ADGRB1: variants seen among roughly 807,000 people sequenced by gnomAD.
ADGRB1 encodes the protein adhesion G protein-coupled receptor B1.
In ADGRB1, 36 loss-of-function variants were observed where a neutral mutation model predicts 175.7. The observed-to-expected ratio is 0.20, with a 90% confidence interval of 0.16 to 0.27. The LOEUF (loss-of-function observed/expected upper bound fraction) is 0.27, where lower values mean the gene tolerates loss of function less well. Among genes scored for constraint, ADGRB1 ranks in the 10% least tolerant of loss-of-function variants. The pLI, the probability that ADGRB1 is intolerant of heterozygous loss-of-function variation, is 1.00. For missense variants in ADGRB1, 1,731 were observed against 2,255.3 expected (o/e 0.77, Z 4.71); for synonymous variants, 1,054 against 979.4 (o/e 1.08, Z -1.42).
At chr8:142,539,671 C>T in intron 27 of ADGRB1, 1 of 574,854 alleles carries the variant, frequency 1.7e-6, no homozygotes, top group Middle Eastern at 4.6e-4. Flanking sequence ...ACTGCCCTGG[C>T]ACTCCTGCTG....
At chr8:142,457,780 C>T (rs1404434991) in intron 1 of ADGRB1, among the ~76,000 whole-genome samples, 1 of 152,194 alleles carries the variant, frequency 6.6e-6, no homozygotes, top group Non-Finnish European at 1.5e-5. Context: ...GTGCCTGACT[C>T]TCTGGCCCAC....
chr8:142,542,507 C>A lies in ADGRB1; in HGVS notation c.4273C>A (p.Pro1425Thr). The change falls in exon 28 of 31, where the codon CCC becomes ACC. Residue 1425 changes from proline to threonine, a missense_variant. Physicochemically the swap from Pro to Thr is conservative, Grantham distance 38 (BLOSUM62 -1). Around this residue, in one of 8 missense-constraint regions of ADGRB1, gnomAD observed 394 missense variants for 410.2 expected, o/e 0.96. Transcript: ENST00000517894. This position sits in a 1 kb window ranked among gnomAD's most constrained non-coding sequence, Gnocchi z 6.3. The stretch of plus-strand genomic sequence containing the variant: ...CCCACCGCCACCACCTCCCCAGCAG[C>A]CCCTGCCCCCACCGCCCAATCTGGA... ...PPPPPPPPQQPLPPPPNLEPA... is the reference protein window; with the variant it reads ...PPPPPPPPQQTLPPPPNLEPA... 7.0e-7 allele frequency: 1 copy of A among 1,424,718 alleles called. No individual in the cohort carries two copies. The highest frequency in any genetic ancestry group is 9.2e-7 in the Non-Finnish European group (1 of 1,084,240). The allele number at this position is 1,424,718 out of a possible 1,614,324, so 88.3% of individuals were successfully genotyped here.
chr8:142,542,629 G>T lies in ADGRB1; in HGVS notation c.4395G>T (p.Leu1465Phe), dbSNP rs532039983. 2 of 1,551,444 alleles carry T rather than the reference G, an allele frequency of 1.3e-6. No homozygotes were observed. The highest frequency in any genetic ancestry group is 1.2e-5 in the South Asian group (1 of 84,344). The stretch of plus-strand genomic sequence containing the variant: ...CCAAGAACGAGAATGTCGCCACCTT[G>T]TCTGTGAGCTCCCTGGAGGTGAGGG... ...PSTKNENVAT[L>F]SVSSLERRKS... The change falls in exon 28 of 31, where the codon TTG becomes TTT. Residue 1465 changes from leucine to phenylalanine, a missense_variant. Physicochemically the swap from Leu to Phe is conservative, Grantham distance 22. Coordinates refer to ENST00000517894, the MANE Select transcript of ADGRB1 (RefSeq NM_001702.3). The surrounding 1 kb of genome is among the most constrained non-coding windows in gnomAD (Gnocchi z 6.3).
rs773355329 is a variant in ADGRB1, at chr8:142,537,711, C to T, written c.3666+629C>T. 6.6e-6 allele frequency among the ~76,000 whole-genome samples: 1 copy of T among 152,154 alleles called. No homozygotes were observed. Among genetic ancestry groups the T allele is most frequent in the Non-Finnish European group, 1.5e-5 (1 of 68,018 alleles). ...CCCCCCGCCCCTGCCTGTGCCTGCG[C>T]CTGTCCTCTTTACAGCACAGCGTTC... On this transcript the variant is annotated intron_variant, in intron 26 of 30. Transcript: ENST00000517894. This position sits in a 1 kb window ranked among gnomAD's most constrained non-coding sequence, Gnocchi z 4.6.
intron 12 of ADGRB1, 109 bp downstream of exon 12, chr8:142,484,154 G>A: frequency 1.1e-6 from 1 of 906,530 alleles, no homozygotes; most frequent in Non-Finnish European, 1.7e-6. Flanking sequence ...GGTGCTCTGG[G>A]TTTGGATCTC....
chr8:142,535,635 G>A (rs1243804161), intron 25 of ADGRB1, among the ~76,000 whole-genome samples: 1 of 152,194 alleles, frequency 6.6e-6, no homozygotes, highest in Non-Finnish European at 1.5e-5. Context: ...TCCTGCAGGT[G>A]GGCAAGTCAG....
chr8:142,500,497 GGC>G (rs1842469294), intron 17 of ADGRB1, among the ~76,000 whole-genome samples: 1 of 151,052 alleles, frequency 6.6e-6, no homozygotes, highest in Non-Finnish European at 1.5e-5. Context: ...GTGGAGGGGC[GGC>G]TGCAGGGGTC....
chr8:142,470,253 C>T (rs1301588667), intron 2 of ADGRB1, among the ~76,000 whole-genome samples: 1 of 152,150 alleles, frequency 6.6e-6, no homozygotes, highest in African/African-American at 2.4e-5. Context: ...TTGCATTTTT[C>T]CGCCTAGGGT....
chr8:142,501,108 T>C (rs1563717088), intron 17 of ADGRB1, among the ~76,000 whole-genome samples: 1 of 152,194 alleles, frequency 6.6e-6, no homozygotes, highest in Non-Finnish European at 1.5e-5. Flanking sequence ...GATGAGGCGA[T>C]GGCAGTGTTG....
intron 13 of ADGRB1, among the ~76,000 whole-genome samples, chr8:142,487,234 C>T (rs1841714084): frequency 2.0e-5 from 3 of 152,292 alleles, no homozygotes; most frequent in South Asian, 2.1e-4. Context: ...TGTGTCCAGC[C>T]TCCCACCCCT....
At chr8:142,475,105 G>A (rs934375420) in intron 2 of ADGRB1, among the ~76,000 whole-genome samples, 5 of 152,212 alleles carry the variant, frequency 3.3e-5, no homozygotes, top group Non-Finnish European at 5.9e-5. Context: ...GGGCTTCCAG[G>A]CGTGCCAGGA....
chr8:142,478,287 G>A lies in ADGRB1; in HGVS notation c.1488G>A (p.Gly496=). ...AGCAGCGCACGCGTGAATGCAACGG[G>A]CCTTCCTACGGGGGTGCGGAGTGCC... ...GRQQRTRECN[G]PSYGGAECQG... Residue 496 remains glycine (G), a synonymous_variant, in exon 7 of 31, where the codon GGG becomes GGA. Transcript: ENST00000517894. 1 of 1,610,738 alleles carries A rather than the reference G, an allele frequency of 6.2e-7. No homozygotes were observed. Among genetic ancestry groups the A allele is most frequent in the South Asian group, 1.1e-5 (1 of 90,452 alleles).
At chr8:142,540,831 G>A (rs1315807790) in intron 27 of ADGRB1, among the ~76,000 whole-genome samples, 1 of 152,094 alleles carries the variant, frequency 6.6e-6, no homozygotes, top group East Asian at 1.9e-4. Context: ...GAAGGGGCGG[G>A]GCTGAAAATG....
intron 17 of ADGRB1, among the ~76,000 whole-genome samples, chr8:142,494,414 G>A (rs1842120869): frequency 6.6e-6 from 1 of 152,096 alleles, no homozygotes; most frequent in African/African-American, 2.4e-5. Flanking sequence ...CCCTGATCCT[G>A]GTCACAGGCT....
At chr8:142,462,997 G>T (rs904357525) in intron 1 of ADGRB1, among the ~76,000 whole-genome samples, 1 of 152,236 alleles carries the variant, frequency 6.6e-6, no homozygotes, top group Non-Finnish European at 1.5e-5. Flanking sequence ...GAGCTGGGAG[G>T]TGTCTCCTGG....
intron 19 of ADGRB1, among the ~76,000 whole-genome samples, chr8:142,520,401 GTTGGTAATGGTGATA>G (rs1563735887): frequency 0.015 from 1,098 of 72,702 alleles, 5 homozygotes; most frequent in South Asian, 0.033. Context: ...TGATTGTGAT[GTTGGTAATGGTGATA>G]GTGGTAATGA....
At chr8:142,502,823 TTGA>T (rs1012153834) in intron 17 of ADGRB1, among the ~76,000 whole-genome samples, 4 of 151,850 alleles carry the variant, frequency 2.6e-5, no homozygotes, top group South Asian at 2.1e-4. Flanking sequence ...GGTTGTGTTG[TTGA>T]TGATGACAGA....
intron 17 of ADGRB1, among the ~76,000 whole-genome samples, chr8:142,497,771 G>A (rs576905384): frequency 2.0e-5 from 3 of 152,354 alleles, no homozygotes; most frequent in Non-Finnish European, 4.4e-5. Flanking sequence ...TCCTTGGGTA[G>A]GGGCAGCAGG....
chr8:142,475,351 C>T, intron 2 of ADGRB1, 123 bp from the exon 3 acceptor site: 2 of 1,033,124 alleles, frequency 1.9e-6, no homozygotes, highest in East Asian at 6.5e-5. Context: ...GCCAGGCCTT[C>T]CCCGGCACTG....
Sources: allele counts gnomAD v4.1 joint callset (sites outside exome capture counted in the v4.1 genomes callset), GRCh38; gene constraint gnomAD v4.1.1; regional missense constraint gnomAD v4.1.1; non-coding constraint Gnocchi (gnomAD v3.1); transcripts MANE v1.5; gene names NCBI Gene and HGNC (gene_info 2026-07-23, HGNC 2026-07-21).